The following CLOCK variants were observed in gnomAD, a reference collection of about 807,000 sequenced individuals.
CLOCK encodes the protein clock circadian regulator.
Under a neutral mutation model 118.4 loss-of-function variants are expected in CLOCK, and 43 were observed. That is an observed-to-expected ratio of 0.36 (90% CI 0.28 to 0.47). The LOEUF (loss-of-function observed/expected upper bound fraction) is 0.47, where lower values mean the gene tolerates loss of function less well. Among genes scored for constraint, CLOCK ranks in the 20% least tolerant of loss-of-function variants. CLOCK has a pLI of 1.00. For synonymous variants in CLOCK, 326 were observed against 339.2 expected, an observed-to-expected ratio of 0.96 and a Z score of 0.43; for missense variants, 846 against 999.9, an observed-to-expected ratio of 0.85 and a Z score of 2.08.
chr4:55,438,173 TA>T, intron 22 of CLOCK, 108 bp downstream of exon 22: 7 of 1,365,924 alleles, frequency 5.1e-6, no homozygotes, highest in Non-Finnish European at 7.2e-6. Context: ...AACTGTACAA[TA>T]AGCTTTTGTG....
At chr4:55,485,521 A>G (rs1015205493) in intron 3 of CLOCK, among the ~76,000 whole-genome samples, 6 of 152,218 alleles carry the variant, frequency 3.9e-5, no homozygotes, top group Admixed American at 1.3e-4. Context: ...GAGACTAGCT[A>G]GAGTCACACT....
At chr4:55,497,690 G>A (rs1044823438) in intron 2 of CLOCK, among the ~76,000 whole-genome samples, 1 of 152,156 alleles carries the variant, frequency 6.6e-6, no homozygotes, top group Non-Finnish European at 1.5e-5. Flanking sequence ...GGCTGCATGC[G>A]TTCAACTGTA....
At chr4:55,483,629 TGGCAATTTGTAAA>T (rs1727086852) in intron 3 of CLOCK, among the ~76,000 whole-genome samples, 1 of 152,214 alleles carries the variant, frequency 6.6e-6, no homozygotes, top group African/African-American at 2.4e-5. Context: ...GCGACAGGAA[TGGCAATTTGTAAA>T]GGCACAGGCC....
Position 55,453,664 on chromosome 4 carries a change from A to T in CLOCK, c.1130+13T>A. On this transcript the variant is annotated intron_variant, in intron 14 of 22. Coordinates refer to ENST00000513440, the MANE Select transcript of CLOCK (RefSeq NM_004898.4). ...GTTACAGTAATTCAGAAATTCTCTA[A>T]AAGAATTATTACCTTACTACAGTGT... 1 of 1,605,700 alleles carries T rather than the reference A, an allele frequency of 6.2e-7. No homozygotes were observed. Among genetic ancestry groups the T allele is most frequent in the African/African-American group, 1.3e-5 (1 of 74,878 alleles).
intron 8 of CLOCK, among the ~76,000 whole-genome samples, chr4:55,469,635 A>T (rs1169433023): frequency 2.6e-5 from 4 of 152,234 alleles, no homozygotes; most frequent in Admixed American, 6.5e-5. Flanking sequence ...AAAAAGTTAA[A>T]AAAAGTTTTT....
chr4:55,509,865 A>C (rs1729030418), intron 2 of CLOCK, 47 bp downstream of exon 2: 1 of 152,210 alleles, frequency 6.6e-6, no homozygotes, highest in East Asian at 1.9e-4. Flanking sequence ...GTACACTGCA[A>C]ATTCCACCCA....
intron 1 of CLOCK, among the ~76,000 whole-genome samples, chr4:55,518,904 A>ATT (rs1729682046): frequency 2.0e-5 from 3 of 152,208 alleles, no homozygotes; most frequent in Non-Finnish European, 4.4e-5. Context: ...ACTGAATCCC[A>ATT]GATCATCAAT....
At chr4:55,527,266 A>G (rs1171046761) in intron 1 of CLOCK, among the ~76,000 whole-genome samples, 1 of 152,202 alleles carries the variant, frequency 6.6e-6, no homozygotes, top group Non-Finnish European at 1.5e-5. Context: ...ATTAAGATAT[A>G]GATGAAACGA....
intron 2 of CLOCK, among the ~76,000 whole-genome samples, chr4:55,499,700 G>A (rs1053813069): frequency 6.6e-6 from 1 of 152,190 alleles, no homozygotes; most frequent in African/African-American, 2.4e-5. Context: ...TCACAATGCT[G>A]CTTAAATCTA....
intron 1 of CLOCK, among the ~76,000 whole-genome samples, chr4:55,534,919 T>C (rs1214384752): frequency 6.7e-6 from 1 of 148,746 alleles, no homozygotes; most frequent in Non-Finnish European, 1.5e-5. Context: ...CTTTTCTGTA[T>C]AAAGTGAGAA....
intron 15 of CLOCK, 54 bp downstream of exon 15, chr4:55,453,000 A>T (rs1276341330): frequency 7.9e-7 from 1 of 1,259,664 alleles, no homozygotes; most frequent in African/African-American, 1.5e-5. Context: ...ATTGAGTTTC[A>T]TCTTTTATTG....
At chr4:55,518,479 G>C (rs1041417559) in intron 1 of CLOCK, among the ~76,000 whole-genome samples, 5 of 152,180 alleles carry the variant, frequency 3.3e-5, no homozygotes, top group Admixed American at 1.3e-4. Flanking sequence ...ATTGTGCTCA[G>C]ACTTCAAAGA....
chr4:55,491,234 TAAAAAAAAAAAAAA>T lies in CLOCK; in HGVS notation c.-135-1783_-135-1770del, dbSNP rs34441416. ...TGAAGAAAGATTCCTGCAGGTGTGC[TAAAAAAAAAAAAAA>T]AAAAAAAAAAGGAAAGATCTCAAAC... On this transcript the variant is annotated intron_variant, in intron 2 of 22. Transcript: ENST00000513440. Among the ~76,000 whole-genome samples, 5 of 44,362 alleles carry T rather than the reference TAAAAAAAAAAAAAA, an allele frequency of 1.1e-4. 1 individual carries two copies. The South Asian group carries it at 4.6e-3, about 41-fold the overall frequency. 29.1% of individuals were successfully genotyped at this position (44,362 alleles called of 152,430 possible).
At position 55,448,775 on chromosome 4, in the gene CLOCK, G is replaced by T. The variant is rs748526006; in HGVS notation, c.1539+4C>A. The T allele has an allele frequency of 1.2e-6, 2 of 1,612,390 alleles. No homozygotes were observed. Among genetic ancestry groups the T allele is most frequent in the South Asian group, 1.1e-5 (1 of 91,006 alleles). ...ACGCAACTGAAACAAAAACCAAAAA[G>T]TACCTGGGACATGCCTTGTGGAATT... is the stretch of plus-strand genomic sequence containing the variant. On this transcript the variant is annotated splice_donor_region_variant and intron_variant, in intron 18 of 22. Transcript: ENST00000513440.
chr4:55,496,518 A>C (rs1334919789), intron 2 of CLOCK, among the ~76,000 whole-genome samples: 1 of 152,186 alleles, frequency 6.6e-6, no homozygotes, highest in Non-Finnish European at 1.5e-5. Flanking sequence ...TTGATAAGCT[A>C]TTCTGTGGCA....
In CLOCK at chr4:55,466,828, A is replaced by G. The variant is rs1257899212; in HGVS notation, c.439-3023T>C. Among the ~76,000 whole-genome samples, 3 of 152,340 alleles carry G rather than the reference A, an allele frequency of 2.0e-5. No homozygotes were observed. In the East Asian group the frequency reaches 5.8e-4, roughly 29 times the overall value. ...GTTCTCAAACACAATCAAACGTAAG[A>G]AAAGAAAATGGTAACTACTTGGATC... On this transcript the variant is annotated intron_variant, in intron 8 of 22. Coordinates refer to ENST00000513440, the MANE Select transcript of CLOCK (RefSeq NM_004898.4).
intron 18 of CLOCK, among the ~76,000 whole-genome samples, chr4:55,446,036 C>T (rs1723812126): frequency 6.6e-6 from 1 of 151,762 alleles, no homozygotes; most frequent in Admixed American, 6.6e-5. Context: ...ATTACACATA[C>T]ACCCTGGATT....
intron 6 of CLOCK, among the ~76,000 whole-genome samples, chr4:55,476,445 G>A (rs954394202): frequency 1.3e-5 from 2 of 152,096 alleles, no homozygotes; most frequent in Non-Finnish European, 2.9e-5. Context: ...AGCAGCACTA[G>A]GGAAATTAGC....
Position 55,532,214 on chromosome 4 carries a change from C to T in CLOCK, c.-290+14568G>A, listed in dbSNP as rs556059712. Among the ~76,000 whole-genome samples the T allele has an allele frequency of 3.9e-5, 6 of 152,192 alleles. No homozygotes were observed. In the South Asian group the frequency reaches 1.2e-3, roughly 32 times the overall value. ...ATATGAATATCCCACAGCTAACATC[C>T]TATTCAATGGTAAAAGACTGAACAC... On this transcript the variant is annotated intron_variant, in intron 1 of 22. Coordinates refer to ENST00000513440, the MANE Select transcript of CLOCK (RefSeq NM_004898.4).
Sources: gnomAD v4.1 joint callset for allele counts (sites outside exome capture counted in the v4.1 genomes callset) on GRCh38, gnomAD v4.1.1 for gene constraint, MANE v1.5 for transcripts, NCBI Gene and HGNC (gene_info 2026-07-23, HGNC 2026-07-21) for gene names.